Variants in ATP8A2 observed in about 807,000 individuals in gnomAD.
The protein encoded by ATP8A2 is ATPase phospholipid transporting 8A2.
A neutral mutation model predicts 165.6 loss-of-function variants in ATP8A2; 100 were observed. The observed-to-expected ratio is 0.60, with a 90% CI of 0.51 to 0.71. ATP8A2 has a LOEUF of 0.71. ATP8A2 is among the 30% of genes least tolerant of loss of function. The pLI is 0.00. For synonymous variants in ATP8A2, 543 were observed against 548.8 expected, an observed-to-expected ratio of 0.99 and a Z score of 0.15; for missense variants, 1,227 against 1,479.5, an observed-to-expected ratio of 0.83 and a Z score of 2.80.
chr13:25,757,305 C>T (rs565265919), intron 25 of ATP8A2, among the ~76,000 whole-genome samples: 5 of 152,328 alleles, frequency 3.3e-5, no homozygotes, highest in South Asian at 2.1e-4. Context: ...AGTGGACACA[C>T]GCGTGCTTTC....
chr13:25,867,859 C>T (rs1422896930), intron 33 of ATP8A2: 4 of 211,444 alleles, frequency 1.9e-5, no homozygotes, highest in Non-Finnish European at 4.0e-5. Flanking sequence ...CAGAATCCTA[C>T]TATAGCCTGA....
chr13:25,957,327 C>G (rs571463958), intron 33 of ATP8A2, among the ~76,000 whole-genome samples: 1 of 152,062 alleles, frequency 6.6e-6, no homozygotes, highest in Non-Finnish European at 1.5e-5. Flanking sequence ...AGTGAACAGG[C>G]GACCTACAGA....
intron 24 of ATP8A2, among the ~76,000 whole-genome samples, chr13:25,654,703 T>C (rs986497205): frequency 2.0e-5 from 3 of 152,192 alleles, no homozygotes; most frequent in Non-Finnish European, 4.4e-5. Flanking sequence ...ACTGTAGATA[T>C]AGACATAGAA....
chr13:25,857,568 TCC>T (rs1952206499), intron 30 of ATP8A2, among the ~76,000 whole-genome samples: 1 of 140,104 alleles, frequency 7.1e-6, no homozygotes, highest in African/African-American at 2.6e-5. Flanking sequence ...TTCTTTTTTT[TCC>T]TTTTTTTTTT....
rs1465607642 is a variant in ATP8A2 at position 25,574,817 on chromosome 13, G to A, written c.1672G>A (p.Glu558Lys). The change falls in exon 19 of 37, where the codon GAA becomes AAA. Residue 558 changes from glutamate to lysine, a missense_variant. Coordinates refer to ENST00000381655, the MANE Select transcript of ATP8A2 (RefSeq NM_016529.6). The stretch of plus-strand genomic sequence containing the variant: ...ATTTTTCTTCCTTTAGATGGGACAG[G>A]AACAAACATTCGGAATCCTTAATGT... The part of the protein sequence containing the change: ...FSVIIEAMGQ[E>K]QTFGILNVLE... 6.4e-7 allele frequency: 1 copy of A among 1,565,840 alleles called. No homozygotes were observed. The highest frequency in any genetic ancestry group is 1.1e-5 in the South Asian group (1 of 89,802).
chr13:25,847,542 G>GT (rs1020773550), intron 30 of ATP8A2, among the ~76,000 whole-genome samples: 2 of 152,142 alleles, frequency 1.3e-5, no homozygotes, highest in African/African-American at 4.8e-5. Context: ...GTGTAATGTT[G>GT]TAAGAAGTGT....
intron 33 of ATP8A2, among the ~76,000 whole-genome samples, chr13:25,908,619 G>A (rs554246973): frequency 6.6e-6 from 1 of 152,218 alleles, no homozygotes; most frequent in Non-Finnish European, 1.5e-5. Context: ...TTGCTGAATG[G>A]TGACTTCAGG....
intron 24 of ATP8A2, among the ~76,000 whole-genome samples, chr13:25,637,794 T>G (rs2041409860): frequency 6.6e-6 from 1 of 152,158 alleles, no homozygotes; most frequent in Non-Finnish European, 1.5e-5. Context: ...GATCTGAGAA[T>G]GGACAGACTA....
intron 16 of ATP8A2, among the ~76,000 whole-genome samples, chr13:25,568,533 G>A (rs1467049994): frequency 6.6e-6 from 1 of 152,120 alleles, no homozygotes; most frequent in Non-Finnish European, 1.5e-5. Flanking sequence ...GTATCATCCT[G>A]TTTCTATGAG....
intron 25 of ATP8A2, among the ~76,000 whole-genome samples, chr13:25,714,502 A>G (rs1339322167): frequency 1.3e-5 from 2 of 152,198 alleles, no homozygotes; most frequent in Non-Finnish European, 2.9e-5. Flanking sequence ...ATTATTGATA[A>G]TCTGTCTCCA....
At chr13:25,397,063 T>G (rs1438377783) in intron 1 of ATP8A2, among the ~76,000 whole-genome samples, 2 of 152,300 alleles carry the variant, frequency 1.3e-5, no homozygotes, top group East Asian at 3.9e-4. Context: ...CTGTTTTCGC[T>G]GAGTTAAATA....
In ATP8A2 at chr13:25,526,326, G is replaced by A. The variant is rs372523231; in HGVS notation, c.222-3673G>A. 5.3e-5 allele frequency among the ~76,000 whole-genome samples: 8 copies of A among 152,156 alleles called. No individual in the cohort carries two copies. In the East Asian group the frequency reaches 9.7e-4, roughly 18 times the overall value. ...TGGATCCTTGCTTCGTTTGTTCAGG[G>A]AAGTCATGGTTCCCTGTTTGCTGCT... On this transcript the variant is annotated intron_variant, in intron 2 of 36. Coordinates refer to ENST00000381655, the MANE Select transcript of ATP8A2 (RefSeq NM_016529.6).
intron 33 of ATP8A2, among the ~76,000 whole-genome samples, chr13:25,889,884 C>T (rs957147827): frequency 5.9e-5 from 9 of 151,948 alleles, no homozygotes; most frequent in Admixed American, 2.6e-4. Context: ...CAAATTTGGC[C>T]GGGCGCGGTG....
At position 25,669,595 on chromosome 13, in the gene ATP8A2, C is replaced by T. The variant is rs531578180; in HGVS notation, c.2212-29578C>T. ...CAGTCCTAGGCATGGATTTTTCACC[C>T]TAGCTTCCACAGCGTATACATTTTT... is the stretch of plus-strand genomic sequence containing the variant. On this transcript the variant is annotated intron_variant, in intron 24 of 36. Coordinates refer to ENST00000381655, the MANE Select transcript of ATP8A2 (RefSeq NM_016529.6). Among the ~76,000 whole-genome samples the T allele has an allele frequency of 5.9e-5, 9 of 152,272 alleles. No homozygotes were observed. The South Asian group carries it at 1.7e-3, about 28-fold the overall frequency.
chr13:25,819,175 T>G (rs1951101925), intron 27 of ATP8A2, among the ~76,000 whole-genome samples: 5 of 152,208 alleles, frequency 3.3e-5, no homozygotes. Flanking sequence ...ATGGATTCTG[T>G]GCATTGCTCT....
Position 25,543,355 on chromosome 13 carries a change from G to A in ATP8A2, c.844G>A (p.Val282Ile), listed in dbSNP as rs376032827. 5.0e-6 allele frequency: 8 copies of A among 1,613,294 alleles called. No individual in the cohort carries two copies. The highest frequency in any genetic ancestry group is 6.8e-6 in the Non-Finnish European group (8 of 1,179,518). Residue 282 changes from valine to isoleucine, a missense_variant, in exon 10 of 37, where the codon GTC becomes ATC. Val to Ile is a conservative substitution (Grantham distance 29, BLOSUM62 3). This residue lies in a region of ATP8A2 where 356 missense variants were observed against 394.9 expected (regional missense o/e 0.90). Coordinates refer to ENST00000381655, the MANE Select transcript of ATP8A2 (RefSeq NM_016529.6). ...RGTQLRNTQW[V>I]FGIVVYTGHD... ...TACACAGCTTAGAAATACTCAGTGG[G>A]TCTTTGGCATAGTTGTTTATACTGG...
intron 33 of ATP8A2, among the ~76,000 whole-genome samples, chr13:25,867,254 G>A (rs1242385441): frequency 2.6e-5 from 4 of 151,976 alleles, no homozygotes; most frequent in Non-Finnish European, 5.9e-5. Flanking sequence ...ACAGAGGGAG[G>A]AATGGTTCTG....
chr13:25,715,839 A>G (rs929889992), intron 25 of ATP8A2, among the ~76,000 whole-genome samples: 3 of 152,172 alleles, frequency 2.0e-5, no homozygotes, highest in South Asian at 2.1e-4. Flanking sequence ...TTGCTGGGGT[A>G]TATGGTCACT....
chr13:25,401,337 T>A (rs774049826), intron 1 of ATP8A2, among the ~76,000 whole-genome samples: 3 of 152,182 alleles, frequency 2.0e-5, no homozygotes, highest in Non-Finnish European at 4.4e-5. Flanking sequence ...GAAGTGGCAT[T>A]TCTTAAATAT....
Sources: allele counts gnomAD v4.1 joint callset (sites outside exome capture counted in the v4.1 genomes callset), GRCh38; gene constraint gnomAD v4.1.1; regional missense constraint gnomAD v4.1.1; transcripts MANE v1.5; gene names NCBI Gene and HGNC (gene_info 2026-07-23, HGNC 2026-07-21).